The following MAPK14 variants were observed in gnomAD, a reference collection of about 807,000 sequenced individuals.
MAPK14 encodes mitogen-activated protein kinase 14, also known as CSAID-binding protein.
MAPK14 carries 16 observed loss-of-function variants against 49.6 expected under a neutral mutation model. The observed-to-expected ratio is 0.32, with a 90% CI of 0.22 to 0.49. The LOEUF is 0.49. Among genes scored for constraint, MAPK14 ranks in the 20% least tolerant of loss-of-function variants. The pLI, the probability that MAPK14 is intolerant of heterozygous loss-of-function variation, is 0.99. For missense variants in MAPK14, 200 were observed against 441.2 expected (o/e 0.45, Z 4.90); for synonymous variants, 142 against 158.0 (o/e 0.90, Z 0.76).
chr6:36,031,095 A>G (rs1218577305), intron 1 of MAPK14, among the ~76,000 whole-genome samples: 1 of 152,186 alleles, frequency 6.6e-6, no homozygotes, highest in Non-Finnish European at 1.5e-5. Context: ...GCTCACTGCA[A>G]CTTCCACCTC....
At chr6:36,087,175 G>A (rs535991483) in intron 8 of MAPK14, among the ~76,000 whole-genome samples, 1 of 152,226 alleles carries the variant, frequency 6.6e-6, no homozygotes, top group Admixed American at 6.5e-5. Flanking sequence ...CAAACCCACA[G>A]CCAGTATCTT....
chr6:36,038,596 A>G (rs984191760), intron 1 of MAPK14, among the ~76,000 whole-genome samples: 2 of 152,158 alleles, frequency 1.3e-5, no homozygotes, highest in African/African-American at 4.8e-5. Flanking sequence ...ACCCTAAACC[A>G]CTACTGTGAA....
chr6:36,072,314 G>A (rs1217752531), intron 3 of MAPK14, among the ~76,000 whole-genome samples: 1 of 152,054 alleles, frequency 6.6e-6, no homozygotes. Flanking sequence ...GCATGACAGA[G>A]CATGACCCTG....
intron 10 of MAPK14, among the ~76,000 whole-genome samples, chr6:36,105,234 TTATC>T (rs1227891935): frequency 6.6e-6 from 1 of 152,194 alleles, no homozygotes; most frequent in Non-Finnish European, 1.5e-5. Context: ...GTGTATGTAT[TTATC>T]TGTCAAGATT....
chr6:36,096,891 G>A (rs114376557), intron 9 of MAPK14: 1 of 152,242 alleles, frequency 6.6e-6, no homozygotes, highest in Non-Finnish European at 1.5e-5. Context: ...CATGAGAGAA[G>A]CCATGAAAGC....
At chr6:36,070,458 G>A (rs1490194307) in intron 3 of MAPK14, among the ~76,000 whole-genome samples, 1 of 152,170 alleles carries the variant, frequency 6.6e-6, no homozygotes, top group Non-Finnish European at 1.5e-5. Context: ...GAGTACATGA[G>A]ACATAATGAG....
downstream of MAPK14, among the ~76,000 whole-genome samples, chr6:36,112,069 G>C (rs1765984155): frequency 6.6e-6 from 1 of 152,178 alleles, no homozygotes; most frequent in African/African-American, 2.4e-5. Context: ...AGCTGGGCGT[G>C]GTGGTGCATG....
At chr6:36,116,126 A>G (rs962164923), downstream of MAPK14, among the ~76,000 whole-genome samples, 1 of 152,020 alleles carries the variant, frequency 6.6e-6, no homozygotes, top group Admixed American at 6.6e-5. Flanking sequence ...ATAAAAAGTA[A>G]ATTCTCAGGC....
At chr6:36,038,569 G>A (rs984322639) in intron 1 of MAPK14, among the ~76,000 whole-genome samples, 1 of 152,020 alleles carries the variant, frequency 6.6e-6, no homozygotes, top group Admixed American at 6.6e-5. Context: ...TTTTCGTTTC[G>A]GTTCCTTACC....
At chr6:36,067,622 T>TAG (rs1764111897) in intron 3 of MAPK14, among the ~76,000 whole-genome samples, 1 of 152,210 alleles carries the variant, frequency 6.6e-6, no homozygotes, top group Non-Finnish European at 1.5e-5. Context: ...GCAGGTAATG[T>TAG]AGAGGGCATC....
At chr6:36,038,342 C>T (rs1440923786) in intron 1 of MAPK14, among the ~76,000 whole-genome samples, 2 of 152,132 alleles carry the variant, frequency 1.3e-5, no homozygotes, top group Non-Finnish European at 2.9e-5. Flanking sequence ...GAGACCAGTA[C>T]AGCTAGAGCT....
At chr6:36,122,441 G>C in the MAPK14 span, among the ~76,000 whole-genome samples, 2 of 152,246 alleles carry the variant, frequency 1.3e-5, no homozygotes, top group Non-Finnish European at 2.9e-5. Context: ...GAGATGCAGC[G>C]ATAACAAGGC....
intron 1 of MAPK14, among the ~76,000 whole-genome samples, chr6:36,035,953 G>A (rs1002335286): frequency 6.6e-6 from 1 of 152,172 alleles, no homozygotes; most frequent in Non-Finnish European, 1.5e-5. Flanking sequence ...GCTGGGGGCG[G>A]TGGCTAACAC....
intron 1 of MAPK14, among the ~76,000 whole-genome samples, chr6:36,033,835 C>T (rs1006994740): frequency 2.0e-5 from 3 of 152,202 alleles, no homozygotes; most frequent in Admixed American, 1.3e-4. Flanking sequence ...GGGTAGATCA[C>T]CCTCACTTTA....
chr6:36,080,127 A>G (rs1326097834), intron 8 of MAPK14, among the ~76,000 whole-genome samples: 1 of 151,996 alleles, frequency 6.6e-6, no homozygotes, highest in Admixed American at 6.6e-5. Context: ...TAGTAGAGAC[A>G]GGGTTTCACC....
At chr6:36,065,616 T>TTAGC (rs1173943544) in intron 3 of MAPK14, among the ~76,000 whole-genome samples, 17 of 151,580 alleles carry the variant, frequency 1.1e-4, no homozygotes, top group African/African-American at 3.9e-4. Flanking sequence ...TCTTTGGGGC[T>TTAGC]TTATAAGCTA....
At chr6:36,123,252 C>T in the MAPK14 span, among the ~76,000 whole-genome samples, 6 of 152,164 alleles carry the variant, frequency 3.9e-5, no homozygotes, top group Non-Finnish European at 8.8e-5. Flanking sequence ...GGTGCAAATT[C>T]GTGGCAAGAG....
At chr6:36,032,609 A>G (rs1023157074) in intron 1 of MAPK14, among the ~76,000 whole-genome samples, 6 of 152,076 alleles carry the variant, frequency 3.9e-5, no homozygotes, top group Non-Finnish European at 7.4e-5. Context: ...GTTGAGAATT[A>G]CTCTTAGATC....
intron 9 of MAPK14, 31 bp downstream of exon 9, chr6:36,096,097 G>C: frequency 6.7e-7 from 1 of 1,496,208 alleles, no homozygotes; most frequent in Non-Finnish European, 9.3e-7. Flanking sequence ...TATCTGCCCT[G>C]TTGGGAGCCT....
Sources: allele counts gnomAD v4.1 joint callset (sites outside exome capture counted in the v4.1 genomes callset), GRCh38; gene constraint gnomAD v4.1.1; transcripts MANE v1.5; gene names NCBI Gene and HGNC (gene_info 2026-07-23, HGNC 2026-07-21).